Variants in TFB1M observed in about 807,000 individuals in gnomAD.
TFB1M encodes the protein dimethyladenosine transferase 1, mitochondrial.
A neutral mutation model predicts 31.1 loss-of-function variants in TFB1M; 27 were observed. That is an observed-to-expected ratio of 0.87 (90% CI 0.64 to 1.20). TFB1M has a LOEUF of 1.20. Among genes scored for constraint, TFB1M ranks in the 50% most tolerant of loss-of-function variants. The pLI is 0.00. For missense variants in TFB1M, 394 were observed against 418.7 expected, an observed-to-expected ratio of 0.94 and a Z score of 0.51; for synonymous variants, 166 against 151.8, an observed-to-expected ratio of 1.09 and a Z score of -0.69.
intron 2 of TFB1M, among the ~76,000 whole-genome samples, chr6:155,307,748 G>A (rs1314439088): frequency 1.3e-5 from 2 of 152,110 alleles, no homozygotes; most frequent in Non-Finnish European, 1.5e-5. Context: ...ACTGGAAGAA[G>A]AACTGTCCTG....
the TFB1M span, chr6:155,232,698 C>T: frequency 0.28 from 41,772 of 148,252 alleles, 6,136 homozygotes; most frequent in Middle Eastern, 0.39. Flanking sequence ...CAGAGTGGGT[C>T]GGCATGCGGA....
At chr6:155,238,082 A>G in the TFB1M span, among the ~76,000 whole-genome samples, 3 of 152,354 alleles carry the variant, frequency 2.0e-5, no homozygotes, top group Non-Finnish European at 2.9e-5. Flanking sequence ...CCAGCACTCA[A>G]GTCACATCTT....
At chr6:155,274,062 C>CG (rs1554253075) in intron 5 of TFB1M, among the ~76,000 whole-genome samples, 1 of 152,118 alleles carries the variant, frequency 6.6e-6, no homozygotes, top group Non-Finnish European at 1.5e-5. Flanking sequence ...ACCCTATGAA[C>CG]GAAGTATTTC....
chr6:155,313,395 T>G (rs555023716), intron 1 of TFB1M, among the ~76,000 whole-genome samples: 4 of 152,192 alleles, frequency 2.6e-5, no homozygotes, highest in Non-Finnish European at 4.4e-5. Flanking sequence ...GAAAATGAAC[T>G]TTTTGGGTGT....
intron 4 of TFB1M, among the ~76,000 whole-genome samples, chr6:155,286,525 G>GTA (rs1174168184): frequency 5.7e-5 from 8 of 139,364 alleles, no homozygotes; most frequent in Admixed American, 2.8e-4. Context: ...GTATATATAT[G>GTA]TATATATATA....
intron 1 of TFB1M, 91 bp from the exon 2 acceptor site, chr6:155,311,430 C>G: frequency 9.4e-7 from 1 of 1,065,148 alleles, no homozygotes; most frequent in Non-Finnish European, 1.4e-6. Context: ...AAAAATTCAG[C>G]CATTACCCAA....
rs949833881 is a variant in TFB1M at position 155,267,036 on chromosome 6, A to G, written c.667-6636T>C. Among the ~76,000 whole-genome samples, 75 of 145,860 alleles carry G rather than the reference A, an allele frequency of 5.1e-4. 2 individuals are homozygous for G. Among genetic ancestry groups the G allele is most frequent in the Non-Finnish European group, 1.8e-4 (12 of 67,064 alleles). ...CCAGGCTGGAGTGCAGTGCAGTGGCATGATCTCGGCTCACTGCAACCTCCA... is the reference window on the plus strand; with the variant it reads ...CCAGGCTGGAGTGCAGTGCAGTGGCGTGATCTCGGCTCACTGCAACCTCCA... On this transcript the variant is annotated intron_variant, in intron 5 of 6. Transcript: ENST00000367166.
chr6:155,256,010 TA>T (rs1554248978), downstream of TFB1M: 35 of 146,756 alleles, frequency 2.4e-4, no homozygotes, highest in South Asian at 7.8e-4. Flanking sequence ...ACACTGTCTT[TA>T]AAAAAAAAGG....
At position 155,256,421 on chromosome 6, in the gene TFB1M, C is replaced by T; in HGVS notation, c.*1415G>A. The T allele has an allele frequency of 6.2e-7, 1 of 1,602,814 alleles. No individual in the cohort carries two copies. Among genetic ancestry groups the T allele is most frequent in the Non-Finnish European group, 8.5e-7 (1 of 1,174,694 alleles). On this transcript the variant is annotated 3_prime_UTR_variant, in exon 7 of 7. Transcript: ENST00000367166. ...GTTAAATCTTACACAAGCTTTGAGG[C>T]AAACATTACACATTGTGTAACCTGT...
chr6:155,254,141 T>A, downstream of TFB1M: 2 of 1,443,094 alleles, frequency 1.4e-6, no homozygotes, highest in Non-Finnish European at 1.9e-6. Flanking sequence ...TTTAGTGCCC[T>A]CCTGAATTTT....
At chr6:155,287,678 G>A (rs1306570504) in intron 4 of TFB1M, among the ~76,000 whole-genome samples, 1 of 151,696 alleles carries the variant, frequency 6.6e-6, no homozygotes, top group Non-Finnish European at 1.5e-5. Context: ...GGAAAGAAAG[G>A]GGATAGAAGA....
At chr6:155,247,613 C>T in the TFB1M span, among the ~76,000 whole-genome samples, 1 of 152,364 alleles carries the variant, frequency 6.6e-6, no homozygotes, top group Admixed American at 6.5e-5. Flanking sequence ...CGGGCGTGAG[C>T]CACCGCACCT....
At chr6:155,278,679 G>A (rs1304113217) in intron 5 of TFB1M, among the ~76,000 whole-genome samples, 3 of 152,222 alleles carry the variant, frequency 2.0e-5, no homozygotes, top group Non-Finnish European at 4.4e-5. Context: ...CACACAGCTA[G>A]TAAGTGGGGA....
At chr6:155,311,069 G>T in intron 2 of TFB1M, 119 bp downstream of exon 2, 1 of 1,102,260 alleles carries the variant, frequency 9.1e-7, no homozygotes, top group East Asian at 2.4e-5. Flanking sequence ...TGGGGCCTTG[G>T]GGATCTATAG....
the TFB1M span, among the ~76,000 whole-genome samples, chr6:155,237,679 G>A: frequency 6.6e-6 from 1 of 152,246 alleles, no homozygotes; most frequent in Non-Finnish European, 1.5e-5. Flanking sequence ...CCACATGGAA[G>A]CTGTCAAGGC....
At chr6:155,244,547 C>A in the TFB1M span, 2 of 1,328,126 alleles carry the variant, frequency 1.5e-6, no homozygotes, top group Non-Finnish European at 2.1e-6. Flanking sequence ...TACTTTCTGT[C>A]TGCTTTTCCG....
chr6:155,247,603 C>G, the TFB1M span, among the ~76,000 whole-genome samples: 1 of 152,214 alleles, frequency 6.6e-6, no homozygotes, highest in Non-Finnish European at 1.5e-5. Context: ...GCTGGGATTA[C>G]GGGCGTGAGC....
At chr6:155,314,207 C>T in intron 1 of TFB1M, 89 bp downstream of exon 1, 1 of 1,573,470 alleles carries the variant, frequency 6.4e-7, no homozygotes. Context: ...AGTGCCTGGA[C>T]ACCCGCCCGC....
the TFB1M span, among the ~76,000 whole-genome samples, chr6:155,250,291 CTTTTTTTT>C: frequency 7.5e-5 from 10 of 133,700 alleles, no homozygotes; most frequent in African/African-American, 2.5e-4. Flanking sequence ...TTGATTTTGC[CTTTTTTTT>C]TTTTTTTTTT....
Sources: allele counts gnomAD v4.1 joint callset (sites outside exome capture counted in the v4.1 genomes callset), GRCh38; gene constraint gnomAD v4.1.1; transcripts MANE v1.5; gene names NCBI Gene and HGNC (gene_info 2026-07-23, HGNC 2026-07-21).